HTRA3: variants seen among roughly 807,000 people sequenced by gnomAD.
HTRA3 encodes the protein HtrA serine peptidase 3.
A neutral mutation model predicts 43.2 loss-of-function variants in HTRA3; 41 were observed. That is an observed-to-expected ratio of 0.95 (90% CI 0.74 to 1.23). The LOEUF (loss-of-function observed/expected upper bound fraction) is 1.23. Ranked by LOEUF, HTRA3 falls within the 50% of genes most tolerant of loss-of-function variation. The probability of loss-of-function intolerance (pLI) is 0.00; values close to 1 mark genes in which losing one functional copy is unlikely to be tolerated. For synonymous variants in HTRA3, 295 were observed against 287.9 expected, an observed-to-expected ratio of 1.02 and a Z score of -0.25; for missense variants, 628 against 647.1, an observed-to-expected ratio of 0.97 and a Z score of 0.32.
Position 8,286,648 on chromosome 4 carries a change from C to G in HTRA3, c.573C>G (p.His191Gln). Residue 191 changes from histidine to glutamine, a missense_variant, in exon 3 of 9, where the codon CAC becomes CAG. Physicochemically the swap from His to Gln is conservative, Grantham distance 24. Coordinates refer to ENST00000307358, the MANE Select transcript of HTRA3 (RefSeq NM_053044.5). This position sits in a 1 kb window ranked among gnomAD's most constrained non-coding sequence, Gnocchi z 4.9. The part of the protein sequence containing the change: ...SEAGLIITNA[H>Q]VVSSNSAAPG... Reference sequence around the variant, plus strand: ...CCGGCCTGATCATCACCAATGCCCACGTGGTGTCCAGCAACAGTGCTGCCC... The same window carrying G: ...CCGGCCTGATCATCACCAATGCCCAGGTGGTGTCCAGCAACAGTGCTGCCC... 6.2e-7 allele frequency: 1 copy of G among 1,614,172 alleles called. No homozygotes were observed. The highest frequency in any genetic ancestry group is 8.5e-7 in the Non-Finnish European group (1 of 1,180,016).
chr4:8,304,129 C>T, intron 7 of HTRA3, 55 bp from the exon 8 acceptor site: 1 of 1,480,334 alleles, frequency 6.8e-7, no homozygotes. Flanking sequence ...CAGCTTCATA[C>T]CAAAGAGCTG....
rs960687505 is a variant in HTRA3, at chr4:8,272,591, G to T, written c.385+2238G>T. On this transcript the variant is annotated intron_variant, in intron 1 of 8. Transcript: ENST00000307358. ...GCCTGATGGGCAACCCCCAGACCAC[G>T]TTGTTTCATATGTTGTTATCACTGT... Among the ~76,000 whole-genome samples the T allele has an allele frequency of 6.6e-5, 10 of 152,360 alleles. No individual in the cohort carries two copies. The South Asian group carries it at 8.3e-4, about 13-fold the overall frequency.
At chr4:8,303,016 A>G (rs1713719136) in intron 7 of HTRA3, among the ~76,000 whole-genome samples, 1 of 152,178 alleles carries the variant, frequency 6.6e-6, no homozygotes, top group African/African-American at 2.4e-5. Flanking sequence ...CTCTTATGAA[A>G]ACATCCATCA....
At position 8,286,708 on chromosome 4, in the gene HTRA3, TG is replaced by T; in HGVS notation, c.637del (p.Asp213ThrfsTer57). 1 of 1,614,114 alleles carries T rather than the reference TG, an allele frequency of 6.2e-7. No homozygotes were observed. The highest frequency in any genetic ancestry group is 8.5e-7 in the Non-Finnish European group (1 of 1,180,020). ...AGCAGCTCAAGGTGCAGCTACAGAA[TG>T]GGGACTCCTATGAGGCCACCATCAA... is the stretch of plus-strand genomic sequence containing the variant. ...RQQLKVQLQN[G>X]DSYEATIKDI... On this transcript the variant is annotated frameshift_variant, in exon 3 of 9. Transcript: ENST00000307358. LOFTEE classifies it high-confidence loss of function. The surrounding 1 kb of genome is among the most constrained non-coding windows in gnomAD (Gnocchi z 4.9).
chr4:8,304,147 G>T (rs1183223002), intron 7 of HTRA3, 37 bp from the exon 8 acceptor site: 1 of 1,567,288 alleles, frequency 6.4e-7, no homozygotes, highest in African/African-American at 1.4e-5. Flanking sequence ...CTGGGCAAAG[G>T]CTCAGGGGAG....
Position 8,270,290 on chromosome 4 carries a change from C to T in HTRA3, c.322C>T (p.Arg108Cys), listed in dbSNP as rs955773421. Residue 108 changes from arginine (R) to cysteine (C), a missense_variant, in exon 1 of 9, where the codon CGC becomes TGC. Coordinates refer to ENST00000307358, the MANE Select transcript of HTRA3 (RefSeq NM_053044.5). Reference protein sequence around the residue: ...ANVCALQAASRRALQLSGTPV... With the variant: ...ANVCALQAASCRALQLSGTPV... ...CGTGTGCGCGCTGCAGGCGGCCAGCCGCCGCGCGCTGCAGCTCTCCGGGAC... is the reference window on the plus strand; with the variant it reads ...CGTGTGCGCGCTGCAGGCGGCCAGCTGCCGCGCGCTGCAGCTCTCCGGGAC... 38 of 1,481,062 alleles carry T rather than the reference C, an allele frequency of 2.6e-5. No individual in the cohort carries two copies. The highest frequency in any genetic ancestry group is 3.3e-5 in the Non-Finnish European group (37 of 1,122,180). 91.7% of individuals were successfully genotyped at this position (1,481,062 alleles called of 1,614,324 possible).
intron 2 of HTRA3, among the ~76,000 whole-genome samples, chr4:8,283,292 G>A (rs921525392): frequency 3.2e-4 from 48 of 152,300 alleles, no homozygotes; most frequent in African/African-American, 1.1e-3. Context: ...TGTACCGTGT[G>A]GCTTCACCCC....
Position 8,269,976 on chromosome 4 carries a change from C to A in HTRA3, c.8C>A (p.Ala3Glu). ...GCCGCCGGCCCTGCCGCCATGCAGG[C>A]GCGAGCGCTGCTCCTGGCCGCGTTG... MQ[A>E]RALLLAALAA... Residue 3 changes from alanine to glutamate, a missense_variant, in exon 1 of 9, where the codon GCG (alanine) becomes GAG (glutamate). Coordinates refer to ENST00000307358, the MANE Select transcript of HTRA3 (RefSeq NM_053044.5). The A allele has an allele frequency of 1.7e-6, 2 of 1,201,174 alleles. No homozygotes were observed. Among genetic ancestry groups the A allele is most frequent in the Non-Finnish European group, 2.1e-6 (2 of 970,400 alleles). The allele number at this position is 1,201,174 out of a possible 1,614,324, so 74.4% of individuals were successfully genotyped here.
chr4:8,287,431 G>A (rs1205947626), intron 3 of HTRA3, among the ~76,000 whole-genome samples: 2 of 152,216 alleles, frequency 1.3e-5, no homozygotes, highest in African/African-American at 4.8e-5. Context: ...AGAAAAGAGG[G>A]TTCGTTGACT....
Position 8,297,240 on chromosome 4 carries a change from G to T in HTRA3, c.1051+3039G>T, listed in dbSNP as rs763117279. Reference sequence around the variant, plus strand: ...AGGGAGGCTGGTGGCCCCATACTTGGTGTGTGTTCTGCTCACCTCTCAAGT... The same window carrying T: ...AGGGAGGCTGGTGGCCCCATACTTGTTGTGTGTTCTGCTCACCTCTCAAGT... On this transcript the variant is annotated intron_variant, in intron 6 of 8. Transcript: ENST00000307358. This position sits in a 1 kb window ranked among gnomAD's most constrained non-coding sequence, Gnocchi z 5.8. Among the ~76,000 whole-genome samples, 1 of 151,902 alleles carries T rather than the reference G, an allele frequency of 6.6e-6. No individual in the cohort carries two copies. Among genetic ancestry groups the T allele is most frequent in the Admixed American group, 6.6e-5 (1 of 15,248 alleles).
intron 1 of HTRA3, among the ~76,000 whole-genome samples, chr4:8,272,873 T>C (rs1178493840): frequency 1.3e-5 from 2 of 152,150 alleles, no homozygotes; most frequent in African/African-American, 4.8e-5. Flanking sequence ...GCTGGCCATC[T>C]CCAGGGCGCC....
chr4:8,292,298 A>G, intron 4 of HTRA3, 23 bp from the exon 5 acceptor site: 1 of 1,610,886 alleles, frequency 6.2e-7, no homozygotes, highest in South Asian at 1.1e-5. Flanking sequence ...AGGCACAGCT[A>G]ATGCTGTTTC....
chr4:8,303,553 T>C (rs1428488080), intron 7 of HTRA3, among the ~76,000 whole-genome samples: 1 of 152,210 alleles, frequency 6.6e-6, no homozygotes, highest in Non-Finnish European at 1.5e-5. Context: ...AGTGACCATT[T>C]CCTCAAAGCA....
chr4:8,299,543 G>A (rs1713566762), intron 6 of HTRA3, among the ~76,000 whole-genome samples: 1 of 151,912 alleles, frequency 6.6e-6, no homozygotes, highest in Non-Finnish European at 1.5e-5. Flanking sequence ...GGACATCCTT[G>A]TCCCGTTCGT....
rs532760879 is a variant in HTRA3 at position 8,296,133 on chromosome 4, G to A, written c.1051+1932G>A. On this transcript the variant is annotated intron_variant, in intron 6 of 8. Coordinates refer to ENST00000307358, the MANE Select transcript of HTRA3 (RefSeq NM_053044.5). This position sits in a 1 kb window ranked among gnomAD's most constrained non-coding sequence, Gnocchi z 5.3. ...CTGGAAATTAGCGGAGCTGCTGTTTGCACACACTGAGCTGTGAGGTGGCTT... is the reference window on the plus strand; with the variant it reads ...CTGGAAATTAGCGGAGCTGCTGTTTACACACACTGAGCTGTGAGGTGGCTT... 1.0e-5 allele frequency: 10 copies of A among 996,974 alleles called. No individual in the cohort carries two copies. The East Asian group carries it at 8.5e-4, about 84-fold the overall frequency. The allele number at this position is 996,974 out of a possible 1,614,324, so 61.8% of individuals were successfully genotyped here. A position where few individuals can be genotyped will look rare whatever the true frequency, so the allele number is the denominator to read the frequency against.
intron 2 of HTRA3, among the ~76,000 whole-genome samples, chr4:8,283,888 C>T (rs1295412207): frequency 6.6e-6 from 1 of 152,172 alleles, no homozygotes; most frequent in African/African-American, 2.4e-5. Flanking sequence ...GATTCCTGCT[C>T]CAGCACCGCC....
rs555734680 is a variant in HTRA3, at chr4:8,271,411, T to A, written c.385+1058T>A. ...TCCCCAGAGAATTTCAACAGAGAGCTCTTCTTTTCTGGCAGAACACGTGAC... is the reference window on the plus strand; with the variant it reads ...TCCCCAGAGAATTTCAACAGAGAGCACTTCTTTTCTGGCAGAACACGTGAC... On this transcript the variant is annotated intron_variant, in intron 1 of 8. Coordinates refer to ENST00000307358, the MANE Select transcript of HTRA3 (RefSeq NM_053044.5). Among the ~76,000 whole-genome samples the A allele has an allele frequency of 2.6e-5, 4 of 152,228 alleles. No individual in the cohort carries two copies. The South Asian group carries it at 8.3e-4, about 32-fold the overall frequency.
chr4:8,301,341 C>A (rs1336480025), intron 6 of HTRA3, among the ~76,000 whole-genome samples: 3 of 151,980 alleles, frequency 2.0e-5, no homozygotes, highest in African/African-American at 7.3e-5. Flanking sequence ...GTCACACTCT[C>A]AGCTTTATTA....
intron 2 of HTRA3, among the ~76,000 whole-genome samples, chr4:8,285,790 C>T (rs1712936249): frequency 6.6e-6 from 1 of 152,254 alleles, no homozygotes; most frequent in African/African-American, 2.4e-5. Context: ...CCCAGGCTGG[C>T]CTCATCTGTG....
Sources: allele counts gnomAD v4.1 joint callset (sites outside exome capture counted in the v4.1 genomes callset), GRCh38; gene constraint gnomAD v4.1.1; non-coding constraint Gnocchi (gnomAD v3.1); transcripts MANE v1.5; gene names NCBI Gene and HGNC (gene_info 2026-07-23, HGNC 2026-07-21).